Variants in NRXN1 observed in about 807,000 individuals in gnomAD.
NRXN1 encodes neurexin-1.
Under a neutral mutation model 150.9 loss-of-function variants are expected in NRXN1, and 39 were observed. The ratio of observed to expected loss-of-function variants is 0.26; its 90% confidence interval spans 0.20 to 0.34. The LOEUF (loss-of-function observed/expected upper bound fraction) is 0.34. Among genes scored for constraint, NRXN1 ranks in the 10% least tolerant of loss-of-function variants. The pLI is 1.00. For synonymous variants in NRXN1, 924 were observed against 757.0 expected (o/e 1.22, Z -3.62); for missense variants, 1,815 against 1,949.9 (o/e 0.93, Z 1.30).
At chr2:50,781,571 C>T (rs902280211) in intron 5 of NRXN1, among the ~76,000 whole-genome samples, 3 of 152,178 alleles carry the variant, frequency 2.0e-5, no homozygotes, top group Non-Finnish European at 2.9e-5. Context: ...TGAAACCTCA[C>T]GACAACAGTA....
chr2:50,102,583 T>A (rs1701117300), intron 18 of NRXN1, among the ~76,000 whole-genome samples: 1 of 152,050 alleles, frequency 6.6e-6, no homozygotes, highest in African/African-American at 2.4e-5. Context: ...TCTCACATTA[T>A]TCGTTACACA....
chr2:50,876,304 G>A (rs1312162176), intron 5 of NRXN1, among the ~76,000 whole-genome samples: 1 of 151,566 alleles, frequency 6.6e-6, no homozygotes, highest in African/African-American at 2.4e-5. Flanking sequence ...CCAAAACTCT[G>A]TGACACCATT....
intron 18 of NRXN1, among the ~76,000 whole-genome samples, chr2:50,184,931 A>C (rs1483075561): frequency 6.6e-6 from 1 of 152,120 alleles, no homozygotes; most frequent in Non-Finnish European, 1.5e-5. Flanking sequence ...ATTTGAATTA[A>C]GGAAGTCTGG....
chr2:50,608,800 G>C (rs1195192142), intron 8 of NRXN1, among the ~76,000 whole-genome samples: 1 of 152,030 alleles, frequency 6.6e-6, no homozygotes, highest in East Asian at 1.9e-4. Flanking sequence ...AACACAGGCA[G>C]GGAAGACTAA....
chr2:50,093,899 G>A (rs1446264680), intron 18 of NRXN1, among the ~76,000 whole-genome samples: 1 of 152,138 alleles, frequency 6.6e-6, no homozygotes, highest in African/African-American at 2.4e-5. Context: ...CCAGAGTCTG[G>A]TCCTTAATCA....
chr2:50,193,979 T>G (rs571669844), intron 18 of NRXN1, among the ~76,000 whole-genome samples: 4 of 152,282 alleles, frequency 2.6e-5, no homozygotes, highest in Admixed American at 2.0e-4. Flanking sequence ...TAGTAGTAAT[T>G]ACCATCAATT....
intron 17 of NRXN1, among the ~76,000 whole-genome samples, chr2:50,451,302 A>C (rs973844123): frequency 6.6e-6 from 1 of 152,194 alleles, no homozygotes; most frequent in Non-Finnish European, 1.5e-5. Context: ...AACATTTTGA[A>C]TGTGCACTAT....
chr2:50,373,103 C>T (rs915445849), intron 17 of NRXN1, among the ~76,000 whole-genome samples: 9 of 151,928 alleles, frequency 5.9e-5, no homozygotes, highest in African/African-American at 2.2e-4. Flanking sequence ...TGTGTTTTAA[C>T]ATCTCAACAA....
At chr2:50,998,148 C>T (rs1699567708) in intron 2 of NRXN1, among the ~76,000 whole-genome samples, 1 of 141,398 alleles carries the variant, frequency 7.1e-6, no homozygotes, top group Admixed American at 6.8e-5. Flanking sequence ...CTTATTTAAT[C>T]CTGGCCATTA....
chr2:49,924,483 T>C (rs1668748257), intron 22 of NRXN1, among the ~76,000 whole-genome samples: 1 of 152,218 alleles, frequency 6.6e-6, no homozygotes, highest in Admixed American at 6.5e-5. Context: ...TCTGCTAAAA[T>C]ATTTCTGAGA....
chr2:50,668,078 G>A (rs565761978), intron 5 of NRXN1, among the ~76,000 whole-genome samples: 8 of 152,002 alleles, frequency 5.3e-5, no homozygotes, highest in African/African-American at 1.7e-4. Context: ...AAAGTATTTC[G>A]AATGGTATTT....
chr2:50,488,354 C>T (rs938313072), intron 15 of NRXN1, among the ~76,000 whole-genome samples: 86 of 152,296 alleles, frequency 5.6e-4, no homozygotes, highest in African/African-American at 1.9e-3. Flanking sequence ...TAAACTTAAA[C>T]GAGTCTTTCT....
At chr2:50,858,679 C>A (rs553407373) in intron 5 of NRXN1, among the ~76,000 whole-genome samples, 5 of 152,030 alleles carry the variant, frequency 3.3e-5, no homozygotes, top group Non-Finnish European at 5.9e-5. Flanking sequence ...CTTTAAACAT[C>A]TGAAATTTAA....
intron 5 of NRXN1, among the ~76,000 whole-genome samples, chr2:50,884,495 T>C (rs1197178581): frequency 4.0e-5 from 6 of 151,752 alleles, no homozygotes; most frequent in Non-Finnish European, 7.4e-5. Flanking sequence ...ATTATTTAGT[T>C]TTGAAGATCT....
chr2:50,272,591 A>G (rs958809826), intron 17 of NRXN1, among the ~76,000 whole-genome samples: 3 of 152,196 alleles, frequency 2.0e-5, no homozygotes, highest in Admixed American at 6.5e-5. Context: ...AGAGATGAAG[A>G]AAGTAAAAGT....
chr2:50,471,101 CT>C (rs1183072063), intron 16 of NRXN1, among the ~76,000 whole-genome samples: 15 of 150,712 alleles, frequency 1.0e-4, no homozygotes, highest in Admixed American at 6.6e-4. Context: ...TTTTATTTTA[CT>C]TTTTTTTTAA....
At chr2:50,668,694 T>C (rs1032209341) in intron 5 of NRXN1, among the ~76,000 whole-genome samples, 1 of 151,970 alleles carries the variant, frequency 6.6e-6, no homozygotes, top group African/African-American at 2.4e-5. Flanking sequence ...GGCATTCTGA[T>C]GTGTAAAAGT....
intron 18 of NRXN1, among the ~76,000 whole-genome samples, chr2:50,188,886 T>C (rs138154841): frequency 0.015 from 2,329 of 152,252 alleles, 165 homozygotes; most frequent in Admixed American, 0.12. Flanking sequence ...GGAGAGGATG[T>C]GGAGAAATAG....
At chr2:50,209,294 A>T (rs2062837868) in intron 18 of NRXN1, among the ~76,000 whole-genome samples, 1 of 152,164 alleles carries the variant, frequency 6.6e-6, no homozygotes, top group African/African-American at 2.4e-5. Flanking sequence ...GATTTAATAT[A>T]TGGCCAAATG....
Sources: allele counts gnomAD v4.1 joint callset (sites outside exome capture counted in the v4.1 genomes callset), GRCh38; gene constraint gnomAD v4.1.1; transcripts MANE v1.5; gene names NCBI Gene and HGNC (gene_info 2026-07-23, HGNC 2026-07-21).